Variants in SEC31B observed in about 807,000 individuals in gnomAD.
SEC31B encodes SEC31 homolog B, COPII component.
In SEC31B, 113 loss-of-function variants were observed where a neutral mutation model predicts 135.0. The ratio of observed to expected loss-of-function variants is 0.84; its 90% confidence interval spans 0.72 to 0.98. The LOEUF is 0.98. SEC31B is among the 50% of genes least tolerant of loss of function. SEC31B has a pLI of 0.00. For synonymous variants in SEC31B, 508 were observed against 549.4 expected, an observed-to-expected ratio of 0.92 and a Z score of 1.05; for missense variants, 1,296 against 1,421.1, an observed-to-expected ratio of 0.91 and a Z score of 1.42.
intron 19 of SEC31B, 140 bp from the exon 20 acceptor site, chr10:100,491,023 A>C (rs1226970912): frequency 1.9e-6 from 1 of 517,580 alleles, no homozygotes; most frequent in Non-Finnish European, 3.1e-6. Flanking sequence ...TAAACATCTA[A>C]AAACTGATAA....
chr10:100,496,424 A>G lies in SEC31B; in HGVS notation c.2144T>C (p.Met715Thr). The G allele has an allele frequency of 6.2e-7, 1 of 1,614,076 alleles. No homozygotes were observed. The highest frequency in any genetic ancestry group is 1.3e-5 in the African/African-American group (1 of 75,050). The change falls in exon 18 of 26, where the codon ATG (methionine) becomes ACG (threonine). Residue 715 changes from methionine to threonine, a missense_variant. Coordinates refer to ENST00000370345, the MANE Select transcript of SEC31B (RefSeq NM_015490.4). ...ALSPMALQDL[M>T]EKVMVLNRSL... ...CCTGTTAAGAACCATCACCTTCTCC[A>G]TCAGGTCCTGTAAGGGCAAGGATGA...
rs761670444 is a variant in SEC31B, at chr10:100,495,388, G to T, written c.2469C>A (p.His823Gln). The T allele has an allele frequency of 1.2e-6, 2 of 1,613,220 alleles. No homozygotes were observed. Among genetic ancestry groups the T allele is most frequent in the East Asian group, 4.5e-5 (2 of 44,890 alleles). ...SSYRLGSQPS[H>Q]QVPTPSPRPR... ...GAATGAACAAACGAGGTCTTACCTGGTGAGAAGGCTGGGATCCCAATCTGT... is the reference window on the plus strand; with the variant it reads ...GAATGAACAAACGAGGTCTTACCTGTTGAGAAGGCTGGGATCCCAATCTGT... The change falls in exon 19 of 26, where the codon CAC becomes CAA. Residue 823 changes from histidine to glutamine, a missense_variant. His to Gln is a conservative substitution (Grantham distance 24). Transcript: ENST00000370345.
chr10:100,511,318 G>A (rs1362290474), intron 3 of SEC31B, among the ~76,000 whole-genome samples: 1 of 152,274 alleles, frequency 6.6e-6, no homozygotes, highest in Non-Finnish European at 1.5e-5. Flanking sequence ...CCTAGGTGGA[G>A]TTAAGTGAGG....
intron 11 of SEC31B, chr10:100,500,093 C>T (rs967922241): frequency 9.0e-5 from 41 of 456,558 alleles, no homozygotes; most frequent in Non-Finnish European, 1.6e-4. Context: ...GCTTCTAAGT[C>T]AGGGCAACTT....
At position 100,495,540 on chromosome 10, in the gene SEC31B, C is replaced by G. The variant is rs1232292182; in HGVS notation, c.2317G>C (p.Val773Leu). The stretch of plus-strand genomic sequence containing the variant: ...AAAAGCCGATCTCTTAGCTGCTGAA[C>G]TGGTGGCTATAAGTTTTAATGAGGA... ...FLPRDCAQPP[V>L]QQLRDRLFHA... is the part of the protein sequence containing the mutation. Residue 773 changes from valine to leucine, a missense_variant, in exon 19 of 26, where the codon GTT becomes CTT. Transcript: ENST00000370345. 6.2e-7 allele frequency: 1 copy of G among 1,612,736 alleles called. No individual in the cohort carries two copies. The highest frequency in any genetic ancestry group is 1.7e-5 in the Admixed American group (1 of 59,794).
In SEC31B at chr10:100,509,306, A is replaced by C; in HGVS notation, c.399+10T>G. On this transcript the variant is annotated intron_variant, in intron 4 of 25. Coordinates refer to ENST00000370345, the MANE Select transcript of SEC31B (RefSeq NM_015490.4). ...GGCTTGGCCATGTTTGACTAACTGA[A>C]ATGTAGTACCTGGAAAGGATTCAAG... 6.2e-7 allele frequency: 1 copy of C among 1,611,462 alleles called. No individual in the cohort carries two copies. Among genetic ancestry groups the C allele is most frequent in the Non-Finnish European group, 8.5e-7 (1 of 1,178,666 alleles).
chr10:100,490,030 A>C lies in SEC31B; in HGVS notation c.2943T>G (p.Thr981=). The C allele has an allele frequency of 6.5e-7, 1 of 1,546,774 alleles. No homozygotes were observed. Among genetic ancestry groups the C allele is most frequent in the Non-Finnish European group, 8.7e-7 (1 of 1,152,164 alleles). The change falls in exon 21 of 26, where the codon ACT becomes ACG. Residue 981 remains threonine, a synonymous_variant. Transcript: ENST00000370345. ...GAPCSSVLPT[T]GILTPHPGPQ... ...GACCTGGGTGAGGAGTCAAGATGCC[A>C]GTGGTTGGGAGGACACTAGAGCATG...
chr10:100,514,021 C>G (rs1851781606), intron 3 of SEC31B, among the ~76,000 whole-genome samples: 1 of 151,618 alleles, frequency 6.6e-6, no homozygotes, highest in African/African-American at 2.4e-5. Flanking sequence ...CCCATCTTGA[C>G]TAATAATACA....
rs948698091 is a variant in SEC31B at position 100,509,204 on chromosome 10, G to A, written c.400-102C>T. The A allele has an allele frequency of 3.3e-6, 5 of 1,492,990 alleles. No homozygotes were observed. The Admixed American group carries it at 7.0e-5, about 21-fold the overall frequency. The allele number at this position is 1,492,990 out of a possible 1,614,324, so 92.5% of individuals were successfully genotyped here. ...TTTGGGGCTATCAAAAGCCTCCCCT[G>A]AAACAGCCTGGAAAGGGGTCAGAGT... On this transcript the variant is annotated intron_variant, in intron 4 of 25. Coordinates refer to ENST00000370345, the MANE Select transcript of SEC31B (RefSeq NM_015490.4).
At chr10:100,490,501 T>A (rs951502958) in intron 20 of SEC31B, 179 bp from the exon 21 acceptor site, 2 of 880,886 alleles carry the variant, frequency 2.3e-6, no homozygotes, top group African/African-American at 3.4e-5. Context: ...TTCAAAACAA[T>A]CCCATAGCAT....
In SEC31B at chr10:100,498,343, A is replaced by C; in HGVS notation, c.1685-136T>G. 3 of 846,824 alleles carry C rather than the reference A, an allele frequency of 3.5e-6. No individual in the cohort carries two copies. In the South Asian group the frequency reaches 5.3e-5, roughly 15 times the overall value. 52.5% of individuals were successfully genotyped at this position (846,824 alleles called of 1,614,324 possible). ...GCTCCAAACTAAATCCTCAAGTTTC[A>C]CTCCTTGGCAATAAAATGTATTTTG... On this transcript the variant is annotated intron_variant, in intron 14 of 25. Coordinates refer to ENST00000370345, the MANE Select transcript of SEC31B (RefSeq NM_015490.4).
At position 100,502,555 on chromosome 10, in the gene SEC31B, A is replaced by T. The variant is rs1851543654; in HGVS notation, c.1180-71T>A. On this transcript the variant is annotated intron_variant, in intron 10 of 25. Coordinates refer to ENST00000370345, the MANE Select transcript of SEC31B (RefSeq NM_015490.4). ...AAAAGTAACACTAAGTCAGATTCACAGAGAAGGCTATCTAATGGCTGACCC... is the reference window on the plus strand; with the variant it reads ...AAAAGTAACACTAAGTCAGATTCACTGAGAAGGCTATCTAATGGCTGACCC... 5.1e-6 allele frequency: 5 copies of T among 986,286 alleles called. No homozygotes were observed. In the South Asian group the frequency reaches 7.8e-5, roughly 15 times the overall value. 61.1% of individuals were successfully genotyped at this position (986,286 alleles called of 1,614,324 possible). A position where few individuals can be genotyped will look rare whatever the true frequency, so the allele number is the denominator to read the frequency against.
chr10:100,497,952 G>A (rs1851443969), intron 15 of SEC31B, 77 bp downstream of exon 15: 5 of 1,581,098 alleles, frequency 3.2e-6, no homozygotes, highest in Non-Finnish European at 4.3e-6. Flanking sequence ...CTCAAACATG[G>A]GTCCCAAGGT....
chr10:100,489,574 G>A, intron 22 of SEC31B, 129 bp downstream of exon 22: 2 of 1,434,260 alleles, frequency 1.4e-6, no homozygotes, highest in Non-Finnish European at 1.9e-6. Flanking sequence ...GGGTTCTGAG[G>A]AAAGAAGAGT....
chr10:100,489,847 G>T, intron 21 of SEC31B, 86 bp from the exon 22 acceptor site: 1 of 1,597,508 alleles, frequency 6.3e-7, no homozygotes. Flanking sequence ...CATTCTTTGA[G>T]TTGGAGTTCA....
rs143649840 is a variant in SEC31B at position 100,487,767 on chromosome 10, T to C, written c.3389A>G (p.His1130Arg). Reference protein sequence around the residue: ...TLSPHVVAGLHEVARCVDAGS... With the variant: ...TLSPHVVAGLREVARCVDAGS... ...TGCATCCACACATCGGGCAACCTCATGGAGCCCAGCCACGACATGAGGTGA... is the reference window on the plus strand; with the variant it reads ...TGCATCCACACATCGGGCAACCTCACGGAGCCCAGCCACGACATGAGGTGA... The change falls in exon 26 of 26, where the codon CAT becomes CGT. Residue 1130 changes from histidine to arginine, a missense_variant. His to Arg is a conservative substitution (Grantham distance 29). Coordinates refer to ENST00000370345, the MANE Select transcript of SEC31B (RefSeq NM_015490.4). 412 of 1,614,002 alleles carry C rather than the reference T, an allele frequency of 2.6e-4. No homozygotes were observed. In the African/African-American group the frequency reaches 4.3e-3, roughly 17 times the overall value.
chr10:100,489,288 A>G lies in SEC31B; in HGVS notation c.3135T>C (p.His1045=). 6.2e-7 allele frequency: 1 copy of G among 1,612,584 alleles called. No individual in the cohort carries two copies. The highest frequency in any genetic ancestry group is 1.1e-5 in the South Asian group (1 of 90,714). The change falls in exon 23 of 26, where the codon CAT becomes CAC. Residue 1045 remains histidine, a synonymous_variant. Coordinates refer to ENST00000370345, the MANE Select transcript of SEC31B (RefSeq NM_015490.4). The part of the protein sequence containing the change: ...PSQPPVSSVS[H]APPGVPGELS... ...GTTCTCCTGGAACTCCTGGGGGAGC[A>G]TGACTCACACTGGAGACAGGGGGCT...
At chr10:100,503,181 C>T (rs1370516035) in intron 10 of SEC31B, among the ~76,000 whole-genome samples, 2 of 152,172 alleles carry the variant, frequency 1.3e-5, no homozygotes. Flanking sequence ...ACCCACAACA[C>T]CCCCACCTGG....
At chr10:100,501,330 G>A (rs946074604) in intron 11 of SEC31B, among the ~76,000 whole-genome samples, 2 of 152,090 alleles carry the variant, frequency 1.3e-5, no homozygotes, top group African/African-American at 2.4e-5. Flanking sequence ...TTTGTTTAGC[G>A]GAGTAAAGGC....
Sources: gnomAD v4.1 joint callset for allele counts (sites outside exome capture counted in the v4.1 genomes callset) on GRCh38, gnomAD v4.1.1 for gene constraint, MANE v1.5 for transcripts, NCBI Gene and HGNC (gene_info 2026-07-23, HGNC 2026-07-21) for gene names.